The following LPIN2 variants were observed in gnomAD, a reference collection of about 807,000 sequenced individuals.
The protein encoded by LPIN2 is phosphatidate phosphatase LPIN2.
LPIN2 carries 55 observed loss-of-function variants against 111.4 expected under a neutral mutation model. The observed-to-expected ratio is 0.49, with a 90% CI of 0.40 to 0.62. The LOEUF is 0.62. Among genes scored for constraint, LPIN2 ranks in the 20% least tolerant of loss-of-function variants. The pLI, the probability that LPIN2 is intolerant of heterozygous loss-of-function variation, is 0.00. For synonymous variants in LPIN2, 425 were observed against 414.0 expected, an observed-to-expected ratio of 1.03 and a Z score of -0.32; for missense variants, 992 against 1,112.1, an observed-to-expected ratio of 0.89 and a Z score of 1.54.
intron 1 of LPIN2, among the ~76,000 whole-genome samples, chr18:2,992,162 A>C (rs765484608): frequency 5.9e-5 from 9 of 152,240 alleles, no homozygotes; most frequent in Admixed American, 1.3e-4. Flanking sequence ...CAAAATGTGG[A>C]AACAACACAA....
At chr18:3,005,791 A>G (rs1184871788) in intron 1 of LPIN2, among the ~76,000 whole-genome samples, 1 of 152,166 alleles carries the variant, frequency 6.6e-6, no homozygotes, top group Admixed American at 6.6e-5. Context: ...TTTGGGAGGT[A>G]GAAACGGGAA....
At position 2,917,303 on chromosome 18, in the gene LPIN2, T is replaced by G. The variant is rs927325978; in HGVS notation, c.*2990A>C. ...AAGAGCACTTACTTCAGGGAAAGAC[T>G]CAATTTTTAACCAGTTTTATTAAAC... is the stretch of plus-strand genomic sequence containing the variant. On this transcript the variant is annotated 3_prime_UTR_variant, in exon 20 of 20. Coordinates refer to ENST00000677752, the MANE Select transcript of LPIN2 (RefSeq NM_001375808.2). 1 of 152,228 alleles carries G rather than the reference T, an allele frequency of 6.6e-6. No individual in the cohort carries two copies. Among genetic ancestry groups the G allele is most frequent in the African/African-American group, 2.4e-5 (1 of 41,456 alleles). 9.4% of individuals were successfully genotyped at this position (152,228 alleles called of 1,614,324 possible). A position where few individuals can be genotyped will look rare whatever the true frequency, so the allele number is the denominator to read the frequency against.
chr18:2,926,679 G>A (rs750920639), intron 13 of LPIN2, 44 bp downstream of exon 13: 121 of 1,539,890 alleles, frequency 7.9e-5, no homozygotes, highest in Non-Finnish European at 1.0e-4. Flanking sequence ...GGCCCTGCTA[G>A]AGGGCCTGAG....
chr18:2,923,877 A>G lies in LPIN2; in HGVS notation c.2088-16T>C, dbSNP rs763088190. On this transcript the variant is annotated splice_polypyrimidine_tract_variant and intron_variant, in intron 15 of 19. Coordinates refer to ENST00000677752, the MANE Select transcript of LPIN2 (RefSeq NM_001375808.2). ...AGCATCCGACCTAAGAAGACGGTAG[A>G]AACAGGAAAAGCTATCAGGAATCAA... 6.2e-7 allele frequency: 1 copy of G among 1,608,574 alleles called. No homozygotes were observed. Among genetic ancestry groups the G allele is most frequent in the Non-Finnish European group, 8.5e-7 (1 of 1,174,982 alleles).
At chr18:2,946,063 C>T in intron 4 of LPIN2, 2 of 1,456,050 alleles carry the variant, frequency 1.4e-6, no homozygotes, top group Non-Finnish European at 1.9e-6. Context: ...TGAACACCCT[C>T]CATTCTTACA....
intron 11 of LPIN2, 86 bp downstream of exon 11, chr18:2,928,505 G>C: frequency 7.7e-7 from 1 of 1,300,948 alleles, no homozygotes; most frequent in East Asian, 2.3e-5. Flanking sequence ...ATAGTACCCA[G>C]TTCAGAAATA....
intron 15 of LPIN2, 145 bp downstream of exon 15, chr18:2,924,253 C>T: frequency 2.1e-6 from 2 of 934,936 alleles, no homozygotes; most frequent in Non-Finnish European, 1.7e-6. Context: ...GTGGACTGTA[C>T]TGGGGACGCC....
At position 2,937,745 on chromosome 18, in the gene LPIN2, G is replaced by T; in HGVS notation, c.1115C>A (p.Ala372Glu). Residue 372 changes from alanine (A) to glutamate (E), a missense_variant, in exon 7 of 20, where the codon GCG becomes GAG. Ala to Glu is a moderately radical substitution (Grantham distance 107). Coordinates refer to ENST00000677752, the MANE Select transcript of LPIN2 (RefSeq NM_001375808.2). ...AGCTGCCGGTTTGGATTCTGAGGGC[G>T]CCTCCGCTAAGGCTGCGTTGGGAAG... ...DHLPNAALAE[A>E]PSESKPAAKV... The T allele has an allele frequency of 6.2e-7, 1 of 1,614,042 alleles. No homozygotes were observed. The highest frequency in any genetic ancestry group is 8.5e-7 in the Non-Finnish European group (1 of 1,180,010).
chr18:2,938,127 TTTAAC>T (rs2077316787), intron 6 of LPIN2, 90 bp from the exon 7 acceptor site: 5 of 994,542 alleles, frequency 5.0e-6, no homozygotes, highest in Admixed American at 3.9e-5. Context: ...TCATTCTATT[TTTAAC>T]TTAACACATT....
intron 1 of LPIN2, among the ~76,000 whole-genome samples, 181 bp from the exon 2 acceptor site, chr18:2,961,030 G>A (rs1002251453): frequency 3.3e-5 from 5 of 151,782 alleles, no homozygotes; most frequent in African/African-American, 4.8e-5. Context: ...TTCCACACAC[G>A]GACCTCCCGA....
At chr18:2,948,635 G>A (rs2077490550) in intron 4 of LPIN2, among the ~76,000 whole-genome samples, 1 of 152,090 alleles carries the variant, frequency 6.6e-6, no homozygotes, top group African/African-American at 2.4e-5. Flanking sequence ...GATCTTGGAA[G>A]AATTTTAGTT....
chr18:2,970,324 G>T (rs569691589), intron 1 of LPIN2, among the ~76,000 whole-genome samples: 2 of 152,340 alleles, frequency 1.3e-5, no homozygotes, highest in East Asian at 3.9e-4. Context: ...ACGGGACCCA[G>T]GTCTTGGTAT....
intron 4 of LPIN2, chr18:2,950,339 C>G (rs1188558436): frequency 2.6e-5 from 4 of 152,124 alleles, no homozygotes; most frequent in Non-Finnish European, 5.9e-5. Flanking sequence ...TGAAAACACA[C>G]AAGTGGACCA....
At chr18:3,001,429 T>TA (rs33910628) in intron 1 of LPIN2, among the ~76,000 whole-genome samples, 2 of 152,066 alleles carry the variant, frequency 1.3e-5, no homozygotes, top group African/African-American at 4.8e-5. Context: ...GGCAAAGAAA[T>TA]AAAAATCACT....
At chr18:2,934,153 G>A (rs190832940) in intron 8 of LPIN2, among the ~76,000 whole-genome samples, 198 bp downstream of exon 8, 231 of 152,164 alleles carry the variant, frequency 1.5e-3, no homozygotes, top group African/African-American at 5.2e-3. Context: ...AAATGTCTTC[G>A]TAAGTAATTA....
rs993301115 is a variant in LPIN2, at chr18:2,934,568, T to C, written c.1169-118A>G. Reference sequence around the variant, plus strand: ...AAGCAGGATTTGAATAGGGTTTTAATTTTAAAGGTGTCAACCAGCCTTTTT... The same window carrying C: ...AAGCAGGATTTGAATAGGGTTTTAACTTTAAAGGTGTCAACCAGCCTTTTT... On this transcript the variant is annotated intron_variant, in intron 7 of 19. Coordinates refer to ENST00000677752, the MANE Select transcript of LPIN2 (RefSeq NM_001375808.2). The C allele has an allele frequency of 2.1e-5, 15 of 722,588 alleles. 1 individual carries two copies. The South Asian group carries it at 2.2e-4, about 11-fold the overall frequency. 44.8% of individuals were successfully genotyped at this position (722,588 alleles called of 1,614,324 possible).
At position 2,980,883 on chromosome 18, in the gene LPIN2, G is replaced by A. The variant is rs565504751; in HGVS notation, c.-9-20034C>T. Among the ~76,000 whole-genome samples, 3 of 152,322 alleles carry A rather than the reference G, an allele frequency of 2.0e-5. No homozygotes were observed. The East Asian group carries it at 5.8e-4, about 29-fold the overall frequency. Reference sequence around the variant, plus strand: ...ACAAGTTTGGCTAAGAACTCCTGTAGTATATTCTGCCCTAAATGGGGTGAA... The same window carrying A: ...ACAAGTTTGGCTAAGAACTCCTGTAATATATTCTGCCCTAAATGGGGTGAA... On this transcript the variant is annotated intron_variant, in intron 1 of 19. Transcript: ENST00000677752.
rs1199220698 is a variant in LPIN2 at position 2,934,587 on chromosome 18, C to T, written c.1169-137G>A. 8 of 671,260 alleles carry T rather than the reference C, an allele frequency of 1.2e-5. No individual in the cohort carries two copies. In the East Asian group the frequency reaches 2.0e-4, roughly 17 times the overall value. 41.6% of individuals were successfully genotyped at this position (671,260 alleles called of 1,614,324 possible). A position where few individuals can be genotyped will look rare whatever the true frequency, so the allele number is the denominator to read the frequency against. On this transcript the variant is annotated intron_variant, in intron 7 of 19. Coordinates refer to ENST00000677752, the MANE Select transcript of LPIN2 (RefSeq NM_001375808.2). ...TTTTAATTTTAAAGGTGTCAACCAG[C>T]CTTTTTACTTAGGTTGGTTCCCAGC...
intron 1 of LPIN2, chr18:2,978,972 T>C (rs778912641): frequency 6.6e-6 from 1 of 152,212 alleles, no homozygotes; most frequent in African/African-American, 2.4e-5. Flanking sequence ...GGACCACAGG[T>C]AGGTGGAATG....
Sources: allele counts gnomAD v4.1 joint callset (sites outside exome capture counted in the v4.1 genomes callset), GRCh38; gene constraint gnomAD v4.1.1; transcripts MANE v1.5; gene names NCBI Gene and HGNC (gene_info 2026-07-23, HGNC 2026-07-21).